Variants in RBL2 observed in about 807,000 individuals in gnomAD.
The protein encoded by RBL2 is retinoblastoma-like protein 2.
A neutral mutation model predicts 126.0 loss-of-function variants in RBL2; 56 were observed. That is an observed-to-expected ratio of 0.44 (90% CI 0.36 to 0.56). The LOEUF is 0.56. Among genes scored for constraint, RBL2 ranks in the 20% least tolerant of loss-of-function variants. The pLI is 0.00. For synonymous variants in RBL2, 454 were observed against 478.5 expected, an observed-to-expected ratio of 0.95 and a Z score of 0.67; for missense variants, 1,229 against 1,398.2, an observed-to-expected ratio of 0.88 and a Z score of 1.93.
Position 53,470,037 on chromosome 16 carries a change from C to A in RBL2, c.2097C>A (p.Pro699=). Residue 699 remains proline, a synonymous_variant, in exon 15 of 22, where the codon CCC becomes CCA. Coordinates refer to ENST00000262133, the MANE Select transcript of RBL2 (RefSeq NM_005611.4). The part of the protein sequence containing the change: ...PSDGGTPGRM[P]PQPLVNAVPV... ...ATGGAGGGACGCCTGGGCGCATGCC[C>A]CCACAGCCCCTAGTCAATGCTGTCC... is the stretch of plus-strand genomic sequence containing the variant. The A allele has an allele frequency of 1.2e-6, 2 of 1,614,204 alleles. No homozygotes were observed. Among genetic ancestry groups the A allele is most frequent in the Non-Finnish European group, 8.5e-7 (1 of 1,180,030 alleles).
At position 53,461,397 on chromosome 16, in the gene RBL2, C is replaced by T. The variant is rs138191176; in HGVS notation, c.1347-344C>T. On this transcript the variant is annotated intron_variant, in intron 9 of 21. Transcript: ENST00000262133. Reference sequence around the variant, plus strand: ...AGTTCCAGCTACTTGGAGGCTGAGGCAGGAGAATCACTTGAACCTGGGAGG... The same window carrying T: ...AGTTCCAGCTACTTGGAGGCTGAGGTAGGAGAATCACTTGAACCTGGGAGG... 6.6e-3 allele frequency among the ~76,000 whole-genome samples: 1,008 copies of T among 152,232 alleles called. 9 individuals carry two copies. The highest frequency in any genetic ancestry group is 0.021 in the African/African-American group (876 of 41,542).
At chr16:53,470,249 G>C (rs1389015167) in intron 15 of RBL2, 64 bp downstream of exon 15, 1 of 1,562,618 alleles carries the variant, frequency 6.4e-7, no homozygotes, top group Non-Finnish European at 8.7e-7. Context: ...AGTTACCCGA[G>C]GTTTGGCTAG....
chr16:53,447,885 T>C (rs575634431), intron 4 of RBL2, among the ~76,000 whole-genome samples: 1 of 152,182 alleles, frequency 6.6e-6, no homozygotes, highest in African/African-American at 2.4e-5. Flanking sequence ...CCTCAGGTGA[T>C]CTGCCTGCCC....
chr16:53,459,219 C>G (rs982022180), intron 8 of RBL2, among the ~76,000 whole-genome samples: 1 of 152,096 alleles, frequency 6.6e-6, no homozygotes, highest in African/African-American at 2.4e-5. Context: ...AGCTAAAATA[C>G]AAATTATTCT....
At chr16:53,443,820 TGGG>T (rs139253972) in intron 3 of RBL2, among the ~76,000 whole-genome samples, 43,212 of 151,910 alleles carry the variant, frequency 0.28, 6,408 homozygotes, top group Middle Eastern at 0.38. Flanking sequence ...AAAAATAAAA[TGGG>T]GGAATGACAA....
intron 9 of RBL2, among the ~76,000 whole-genome samples, chr16:53,459,974 G>T (rs2058205176): frequency 6.6e-6 from 1 of 152,078 alleles, no homozygotes. Flanking sequence ...TATGAAGAGG[G>T]TTGAACCTGA....
In RBL2 at chr16:53,470,483, T is replaced by C. The variant is rs1395373746; in HGVS notation, c.2346T>C (p.Ala782=). 5 of 1,614,044 alleles carry C rather than the reference T, an allele frequency of 3.1e-6. No homozygotes were observed. The highest frequency in any genetic ancestry group is 4.2e-6 in the Non-Finnish European group (5 of 1,180,038). ...AVTGSIQPLS[A]QALAGSLSSQ... Reference sequence around the variant, plus strand: ...CAGGCTCCATCCAGCCCCTCAGTGCTCAGGCCCTGGCTGGAAGTCTGAGCT... The same window carrying C: ...CAGGCTCCATCCAGCCCCTCAGTGCCCAGGCCCTGGCTGGAAGTCTGAGCT... Residue 782 remains alanine (A), a synonymous_variant, in exon 16 of 22, where the codon GCT becomes GCC. Coordinates refer to ENST00000262133, the MANE Select transcript of RBL2 (RefSeq NM_005611.4).
chr16:53,480,450 A>G (rs1450465448), intron 19 of RBL2, 117 bp from the exon 20 acceptor site: 13 of 820,248 alleles, frequency 1.6e-5, no homozygotes, highest in Non-Finnish European at 2.4e-5. Context: ...CAGAGTGCCT[A>G]TTCACTGTTA....
At chr16:53,482,003 T>G (rs1481726242) in intron 21 of RBL2, among the ~76,000 whole-genome samples, 168 bp downstream of exon 21, 2 of 152,056 alleles carry the variant, frequency 1.3e-5, no homozygotes, top group Non-Finnish European at 2.9e-5. Flanking sequence ...GTTTTTTGCC[T>G]TTTTTGAGGG....
At chr16:53,435,297 G>C (rs1233547376) in intron 1 of RBL2, among the ~76,000 whole-genome samples, 1 of 152,138 alleles carries the variant, frequency 6.6e-6, no homozygotes, top group East Asian at 1.9e-4. Flanking sequence ...GTGCTGATGC[G>C]TTTTGGGCTG....
chr16:53,471,681 C>T (rs1960530935), intron 17 of RBL2, among the ~76,000 whole-genome samples: 1 of 152,100 alleles, frequency 6.6e-6, no homozygotes, highest in African/African-American at 2.4e-5. Flanking sequence ...GTTGGCCAGG[C>T]AGGTCTCAAA....
intron 21 of RBL2, among the ~76,000 whole-genome samples, chr16:53,484,253 AAGAAC>A (rs1211464528): frequency 6.6e-6 from 1 of 152,240 alleles, no homozygotes; most frequent in Non-Finnish European, 1.5e-5. Context: ...AATGGAAAAA[AAGAAC>A]AGAATAATAG....
Position 53,479,226 on chromosome 16 carries a change from G to A in RBL2, c.2775+1G>A. On this transcript the variant is annotated splice_donor_variant, in intron 18 of 21. Coordinates refer to ENST00000262133, the MANE Select transcript of RBL2 (RefSeq NM_005611.4). LOFTEE classifies it high-confidence loss of function. ...GACTCAGCCGCAGGCCCGGAGCCAG[G>A]TAACTACATTTTCTCTATGGGCTGA... 6.2e-7 allele frequency: 1 copy of A among 1,610,728 alleles called. No individual in the cohort carries two copies. Among genetic ancestry groups the A allele is most frequent in the Non-Finnish European group, 8.5e-7 (1 of 1,176,968 alleles).
intron 4 of RBL2, chr16:53,449,004 G>T (rs1346320553): frequency 6.6e-6 from 1 of 152,188 alleles, no homozygotes; most frequent in Non-Finnish European, 1.5e-5. Flanking sequence ...TCCCTGAGCT[G>T]CATGCTTGAT....
Position 53,434,577 on chromosome 16 carries a change from G to C in RBL2, c.21G>C (p.Gln7His). Residue 7 changes from glutamine (Q) to histidine (H), a missense_variant, in exon 1 of 22, where the codon CAG becomes CAC. By Grantham distance (24) the Gln-to-His change is conservative. Transcript: ENST00000262133. MPSGGD[Q>H]SPPPPPPPPA... Reference sequence around the variant, plus strand: ...GCGCTATGCCGTCGGGAGGTGACCAGTCGCCACCGCCCCCGCCTCCCCCTC... The same window carrying C: ...GCGCTATGCCGTCGGGAGGTGACCACTCGCCACCGCCCCCGCCTCCCCCTC... 1 of 1,533,462 alleles carries C rather than the reference G, an allele frequency of 6.5e-7. No individual in the cohort carries two copies. The highest frequency in any genetic ancestry group is 8.7e-7 in the Non-Finnish European group (1 of 1,149,034). 95.0% of individuals were successfully genotyped at this position (1,533,462 alleles called of 1,614,324 possible).
chr16:53,473,915 T>A (rs1960617660), intron 17 of RBL2, among the ~76,000 whole-genome samples: 1 of 152,204 alleles, frequency 6.6e-6, no homozygotes, highest in South Asian at 2.1e-4. Context: ...TTATTTTTTT[T>A]ATTCTATTAA....
At chr16:53,469,789 CTT>C (rs2058303567) in intron 14 of RBL2, 125 bp from the exon 15 acceptor site, 4 of 1,149,424 alleles carry the variant, frequency 3.5e-6, no homozygotes, top group East Asian at 2.5e-5. Flanking sequence ...TTCTGTAATT[CTT>C]GTTTGCTTTT....
At chr16:53,464,402 A>G (rs1402197595) in intron 12 of RBL2, 39 bp downstream of exon 12, 1 of 1,482,096 alleles carries the variant, frequency 6.7e-7, no homozygotes, top group Non-Finnish European at 9.2e-7. Flanking sequence ...GATATTGTAG[A>G]TGAGACCAAC....
chr16:53,462,366 G>A (rs1166739324), intron 10 of RBL2, among the ~76,000 whole-genome samples, 186 bp from the exon 11 acceptor site: 2 of 152,148 alleles, frequency 1.3e-5, no homozygotes, highest in African/African-American at 2.4e-5. Flanking sequence ...TTAGAAAAAT[G>A]TGACTGTTAC....
Sources: gnomAD v4.1 joint callset for allele counts (sites outside exome capture counted in the v4.1 genomes callset) on GRCh38, gnomAD v4.1.1 for gene constraint, MANE v1.5 for transcripts, NCBI Gene and HGNC (gene_info 2026-07-23, HGNC 2026-07-21) for gene names.